The following SGCD variants were observed in gnomAD, a reference collection of about 807,000 sequenced individuals.
SGCD encodes the protein delta-sarcoglycan.
In SGCD, 18 loss-of-function variants were observed where a neutral mutation model predicts 36.6. That is an observed-to-expected ratio of 0.49 (90% confidence interval 0.34 to 0.73). The LOEUF is 0.73. Ranked by LOEUF, SGCD falls within the 30% of genes least tolerant of loss-of-function variation. The probability of loss-of-function intolerance (pLI) is 0.01; values close to 1 mark genes in which losing one functional copy is unlikely to be tolerated. For synonymous variants in SGCD, 133 were observed against 130.6 expected (o/e 1.02, Z -0.12); for missense variants, 387 against 346.7 (o/e 1.12, Z -0.92).
rs540491920 is a variant in SGCD, at chr5:156,477,391, C to T, written c.193-31210C>T. On this transcript the variant is annotated intron_variant, in intron 3 of 8. Transcript: ENST00000337851. Reference sequence around the variant, plus strand: ...TTCTCATCTTTGGATAAACATAGGACAGGCCCCATGACTTTTCTGGCCACT... The same window carrying T: ...TTCTCATCTTTGGATAAACATAGGATAGGCCCCATGACTTTTCTGGCCACT... Among the ~76,000 whole-genome samples, 5 of 152,274 alleles carry T rather than the reference C, an allele frequency of 3.3e-5. No individual in the cohort carries two copies. The East Asian group carries it at 9.7e-4, about 29-fold the overall frequency.
At chr5:156,479,146 G>A (rs1325797168) in intron 3 of SGCD, among the ~76,000 whole-genome samples, 2 of 151,954 alleles carry the variant, frequency 1.3e-5, no homozygotes, top group African/African-American at 4.8e-5. Context: ...AGGCTGGAGT[G>A]CAGTGACATG....
At chr5:155,796,344 AAAT>A in the SGCD span, among the ~76,000 whole-genome samples, 1 of 152,164 alleles carries the variant, frequency 6.6e-6, no homozygotes, top group Non-Finnish European at 1.5e-5. Flanking sequence ...CTCACACTCT[AAAT>A]AATCTGTGTG....
chr5:156,666,573 G>A (rs367647509), intron 7 of SGCD, among the ~76,000 whole-genome samples: 2,087 of 103,788 alleles, frequency 0.02, 3 homozygotes, highest in East Asian at 0.14. Context: ...TTCCTAGGCA[G>A]AGGTCCCTGC....
chr5:155,941,562 T>C (rs1459215703), intron 1 of SGCD, among the ~76,000 whole-genome samples: 3 of 151,072 alleles, frequency 2.0e-5, no homozygotes, highest in Non-Finnish European at 4.4e-5. Flanking sequence ...ATAATTATAT[T>C]GCTGTTAATA....
chr5:156,687,356 C>A (rs1753939733), intron 7 of SGCD, among the ~76,000 whole-genome samples: 2 of 152,190 alleles, frequency 1.3e-5, no homozygotes, highest in Admixed American at 6.5e-5. Context: ...GTGAAACAGG[C>A]TTTCCTTGCT....
intron 4 of SGCD, among the ~76,000 whole-genome samples, chr5:156,584,741 G>A (rs749659072): frequency 6.6e-6 from 1 of 152,090 alleles, no homozygotes; most frequent in Non-Finnish European, 1.5e-5. Flanking sequence ...ATATTTGCTG[G>A]CTATATATCT....
At chr5:156,684,600 A>G (rs1758766060) in intron 7 of SGCD, among the ~76,000 whole-genome samples, 1 of 152,064 alleles carries the variant, frequency 6.6e-6, no homozygotes, top group Admixed American at 6.6e-5. Context: ...TGAACCCCCA[A>G]ACTGATTTCA....
At chr5:156,550,280 A>C (rs896599170) in intron 4 of SGCD, among the ~76,000 whole-genome samples, 8 of 152,208 alleles carry the variant, frequency 5.3e-5, no homozygotes, top group Non-Finnish European at 8.8e-5. Context: ...ATTTGGTCTG[A>C]TCCTTAAGGA....
intron 1 of SGCD, among the ~76,000 whole-genome samples, chr5:156,030,769 G>T (rs1030408610): frequency 9.9e-5 from 15 of 152,156 alleles, no homozygotes; most frequent in African/African-American, 3.6e-4. Flanking sequence ...GAGTGAGCAG[G>T]GTTGGGACAT....
chr5:155,827,312 C>T, the SGCD span, among the ~76,000 whole-genome samples: 5 of 152,224 alleles, frequency 3.3e-5, no homozygotes, highest in East Asian at 7.7e-4. Context: ...TGTATGGCAG[C>T]CCTGGTGCAT....
chr5:156,609,800 T>C (rs1201475853), intron 6 of SGCD, among the ~76,000 whole-genome samples: 1 of 152,218 alleles, frequency 6.6e-6, no homozygotes, highest in Non-Finnish European at 1.5e-5. Context: ...TCATTTGATC[T>C]TCCATCACTG....
chr5:155,975,117 C>T (rs965850225), intron 1 of SGCD, among the ~76,000 whole-genome samples: 3 of 152,106 alleles, frequency 2.0e-5, no homozygotes. Context: ...AGAAGGAAAC[C>T]CTGAGAACAA....
intron 6 of SGCD, among the ~76,000 whole-genome samples, chr5:156,615,064 A>T (rs1410850658): frequency 1.3e-5 from 2 of 152,264 alleles, no homozygotes; most frequent in Non-Finnish European, 1.5e-5. Context: ...AGTATGCAAG[A>T]TGAGGCATGA....
At chr5:155,908,970 A>T (rs547039597) in intron 1 of SGCD, among the ~76,000 whole-genome samples, 1 of 152,142 alleles carries the variant, frequency 6.6e-6, no homozygotes, top group African/African-American at 2.4e-5. Context: ...GTAATAGGAC[A>T]TATGTCCTGC....
the SGCD span, among the ~76,000 whole-genome samples, chr5:155,837,450 G>A: frequency 6.6e-5 from 10 of 152,234 alleles, no homozygotes; most frequent in African/African-American, 1.9e-4. Context: ...GAGTCACTGC[G>A]CCCAGCCTTA....
chr5:155,995,661 A>G (rs1758525999), intron 1 of SGCD, among the ~76,000 whole-genome samples: 1 of 152,224 alleles, frequency 6.6e-6, no homozygotes, highest in Non-Finnish European at 1.5e-5. Flanking sequence ...GTTGTAAAGG[A>G]TACAATCCTA....
intron 7 of SGCD, among the ~76,000 whole-genome samples, chr5:156,679,262 G>C (rs1214486634): frequency 6.6e-6 from 1 of 152,172 alleles, no homozygotes; most frequent in Non-Finnish European, 1.5e-5. Context: ...AATGTATTCA[G>C]TTTAAGACCA....
chr5:156,340,287 T>C (rs1321979524), intron 2 of SGCD, among the ~76,000 whole-genome samples: 2 of 152,228 alleles, frequency 1.3e-5, no homozygotes, highest in Admixed American at 6.5e-5. Flanking sequence ...AAATAAACTT[T>C]TGACTAGCTT....
chr5:156,306,304 C>T (rs529548960), intron 3 of SGCD, among the ~76,000 whole-genome samples: 23 of 152,264 alleles, frequency 1.5e-4, no homozygotes, highest in African/African-American at 5.3e-4. Context: ...GAATGAGTCT[C>T]ATGAGATCTG....
Sources: gnomAD v4.1 joint callset for allele counts (sites outside exome capture counted in the v4.1 genomes callset) on GRCh38, gnomAD v4.1.1 for gene constraint, MANE v1.5 for transcripts, NCBI Gene and HGNC (gene_info 2026-07-23, HGNC 2026-07-21) for gene names.